CEMIP: variants seen among roughly 807,000 people sequenced by gnomAD.
CEMIP encodes the protein cell migration-inducing and hyaluronan-binding protein.
A neutral mutation model predicts 156.9 loss-of-function variants in CEMIP; 105 were observed. That is an observed-to-expected ratio of 0.67 (90% CI 0.57 to 0.79). CEMIP has a LOEUF of 0.79. Ranked by LOEUF, CEMIP falls within the 30% of genes least tolerant of loss-of-function variation. The pLI, the probability that CEMIP is intolerant of heterozygous loss-of-function variation, is 0.00. For missense variants in CEMIP, 1,457 were observed against 1,769.4 expected (o/e 0.82, Z 3.17); for synonymous variants, 676 against 668.4 (o/e 1.01, Z -0.17).
intron 21 of CEMIP, among the ~76,000 whole-genome samples, chr15:80,930,371 G>T (rs1900863239): frequency 6.6e-6 from 1 of 152,202 alleles, no homozygotes; most frequent in Admixed American, 6.5e-5. Flanking sequence ...GGGCCAGAAT[G>T]CTCTGATGAC....
chr15:80,949,472 T>A lies in CEMIP; in HGVS notation c.*548T>A, dbSNP rs1901724881. ...CTATCCTTGGGGAAGAGGCAAGCCC[T>A]GCCTCTGGCCGTGTCCACCTTTCAG... On this transcript the variant is annotated 3_prime_UTR_variant, in exon 30 of 30. Transcript: ENST00000394685. 2 of 186,080 alleles carry A rather than the reference T, an allele frequency of 1.1e-5. No individual in the cohort carries two copies. The highest frequency in any genetic ancestry group is 2.3e-5 in the Non-Finnish European group (2 of 86,854). The allele number at this position is 186,080 out of a possible 1,614,324, so 11.5% of individuals were successfully genotyped here. A position where few individuals can be genotyped will look rare whatever the true frequency, so the allele number is the denominator to read the frequency against.
chr15:80,877,798 T>A (rs529680986), intron 3 of CEMIP, among the ~76,000 whole-genome samples: 1 of 152,336 alleles, frequency 6.6e-6, no homozygotes, highest in African/African-American at 2.4e-5. Context: ...CAACTAAACA[T>A]TCACACTGGT....
At chr15:80,840,197 T>C (rs1466287056) in intron 1 of CEMIP, among the ~76,000 whole-genome samples, 1 of 151,478 alleles carries the variant, frequency 6.6e-6, no homozygotes, top group Non-Finnish European at 1.5e-5. Context: ...TCTCCAGGAG[T>C]CTTGAAGGGC....
At chr15:80,904,208 A>G (rs901743896) in intron 12 of CEMIP, among the ~76,000 whole-genome samples, 1 of 152,222 alleles carries the variant, frequency 6.6e-6, no homozygotes, top group Non-Finnish European at 1.5e-5. Flanking sequence ...GATTATTATT[A>G]CTTAAAGTCT....
intron 19 of CEMIP, among the ~76,000 whole-genome samples, chr15:80,926,825 G>C (rs1293853694): frequency 1.6e-5 from 2 of 126,776 alleles, no homozygotes; most frequent in African/African-American, 3.3e-5. Flanking sequence ...CGGGTGGGGG[G>C]GGGGGGTCTT....
intron 1 of CEMIP, among the ~76,000 whole-genome samples, chr15:80,834,423 CAG>C (rs938199428): frequency 6.6e-6 from 1 of 152,214 alleles, no homozygotes; most frequent in African/African-American, 2.4e-5. Flanking sequence ...CTTTCACACT[CAG>C]AGCTACCATC....
chr15:80,914,158 C>T (rs932150557), intron 14 of CEMIP, among the ~76,000 whole-genome samples: 6 of 152,186 alleles, frequency 3.9e-5, no homozygotes, highest in African/African-American at 9.7e-5. Flanking sequence ...TTCATCTTAA[C>T]ATGTGTTTCT....
intron 6 of CEMIP, among the ~76,000 whole-genome samples, chr15:80,881,957 A>G (rs530245187): frequency 6.6e-6 from 1 of 152,320 alleles, no homozygotes; most frequent in East Asian, 1.9e-4. Flanking sequence ...GATGCTGCCA[A>G]GGCTGGACCT....
intron 1 of CEMIP, among the ~76,000 whole-genome samples, chr15:80,781,368 C>G (rs375492723): frequency 1.7e-4 from 26 of 152,196 alleles, no homozygotes; most frequent in African/African-American, 6.3e-4. Flanking sequence ...GTTCAAAGCC[C>G]ATGACTTTCT....
intron 19 of CEMIP, among the ~76,000 whole-genome samples, chr15:80,928,619 T>C (rs1900784934): frequency 6.6e-6 from 1 of 152,106 alleles, no homozygotes; most frequent in African/African-American, 2.4e-5. Context: ...GAGGGAGGCA[T>C]ATGGACCCCA....
chr15:80,951,735 T>C lies in CEMIP; in HGVS notation c.*2811T>C, dbSNP rs903765067. ...GGAAATTGGCTCTGGTTTGGAAAAA[T>C]TTTGCTGTTATTATAGTAAACATAC... is the stretch of plus-strand genomic sequence containing the variant. On this transcript the variant is annotated 3_prime_UTR_variant, in exon 30 of 30. Transcript: ENST00000394685. 1.3e-5 allele frequency: 2 copies of C among 152,794 alleles called. No homozygotes were observed. Among genetic ancestry groups the C allele is most frequent in the Non-Finnish European group, 2.9e-5 (2 of 68,512 alleles). 9.5% of individuals were successfully genotyped at this position (152,794 alleles called of 1,614,324 possible).
chr15:80,915,436 A>T (rs1034804615), intron 14 of CEMIP, among the ~76,000 whole-genome samples: 2 of 152,192 alleles, frequency 1.3e-5, no homozygotes, highest in Non-Finnish European at 1.5e-5. Context: ...TCTAACTCTT[A>T]TAATTGTTGC....
At chr15:80,846,150 G>A (rs999285190) in intron 1 of CEMIP, among the ~76,000 whole-genome samples, 2 of 152,178 alleles carry the variant, frequency 1.3e-5, no homozygotes, top group Non-Finnish European at 2.9e-5. Context: ...GCACAGTCAT[G>A]GAATACTTTC....
intron 12 of CEMIP, among the ~76,000 whole-genome samples, chr15:80,898,814 T>C (rs1899338426): frequency 6.6e-6 from 1 of 152,210 alleles, no homozygotes; most frequent in South Asian, 2.1e-4. Context: ...TCAGTGTGCA[T>C]GTTGCACACT....
intron 14 of CEMIP, 91 bp downstream of exon 14, chr15:80,909,397 G>A: frequency 7.6e-7 from 1 of 1,310,566 alleles, no homozygotes; most frequent in South Asian, 1.2e-5. Context: ...TTAATCCAGG[G>A]CCTTTGGGGA....
intron 8 of CEMIP, 92 bp downstream of exon 8, chr15:80,887,856 G>T (rs1356846107): frequency 9.4e-7 from 1 of 1,068,076 alleles, no homozygotes; most frequent in East Asian, 2.5e-5. Flanking sequence ...TTTTCTCAGA[G>T]CATGGCTTCC....
Position 80,908,962 on chromosome 15 carries a change from A to T in CEMIP, c.1588-135A>T, listed in dbSNP as rs908772429. Reference sequence around the variant, plus strand: ...AGGCATTCTAACCCATTTGCAGAGAATATCTTTGATTTACTGAGTACTAAG... The same window carrying T: ...AGGCATTCTAACCCATTTGCAGAGATTATCTTTGATTTACTGAGTACTAAG... On this transcript the variant is annotated intron_variant, in intron 13 of 29. Coordinates refer to ENST00000394685, the MANE Select transcript of CEMIP (RefSeq NM_001293298.2). The T allele has an allele frequency of 5.8e-6, 5 of 855,464 alleles. No homozygotes were observed. In the African/African-American group the frequency reaches 6.7e-5, roughly 11 times the overall value. 53.0% of individuals were successfully genotyped at this position (855,464 alleles called of 1,614,324 possible).
chr15:80,794,634 G>A (rs1424158884), intron 1 of CEMIP, among the ~76,000 whole-genome samples: 1 of 152,150 alleles, frequency 6.6e-6, no homozygotes, highest in Non-Finnish European at 1.5e-5. Flanking sequence ...TAATGAGATT[G>A]TTTACATTTT....
chr15:80,794,724 T>C (rs1340813636), intron 1 of CEMIP, among the ~76,000 whole-genome samples: 1 of 152,212 alleles, frequency 6.6e-6, no homozygotes, highest in Non-Finnish European at 1.5e-5. Context: ...TTTCCCGTGC[T>C]TAATAGCCAC....
Sources: allele counts gnomAD v4.1 joint callset (sites outside exome capture counted in the v4.1 genomes callset), GRCh38; gene constraint gnomAD v4.1.1; transcripts MANE v1.5; gene names NCBI Gene and HGNC (gene_info 2026-07-23, HGNC 2026-07-21).